The following PCDHGA7 variants were observed in gnomAD, a reference collection of about 807,000 sequenced individuals.
PCDHGA7 encodes protocadherin gamma-A7.
A neutral mutation model predicts 58.3 loss-of-function variants in PCDHGA7; 44 were observed. That is an observed-to-expected ratio of 0.75 (90% CI 0.59 to 0.97). The LOEUF is 0.97. PCDHGA7 is among the 50% of genes least tolerant of loss of function. PCDHGA7 has a pLI of 0.00. For missense variants in PCDHGA7, 1,266 were observed against 1,188.7 expected, an observed-to-expected ratio of 1.06 and a Z score of -0.96; for synonymous variants, 516 against 504.2, an observed-to-expected ratio of 1.02 and a Z score of -0.31.
intron 1 of PCDHGA7, among the ~76,000 whole-genome samples, chr5:141,472,147 G>T (rs2099272889): frequency 6.6e-6 from 1 of 152,112 alleles, no homozygotes; most frequent in South Asian, 2.1e-4. Flanking sequence ...AAAGTTTCAT[G>T]GTTACATAGC....
intron 1 of PCDHGA7, among the ~76,000 whole-genome samples, chr5:141,475,750 T>C (rs1158317865): frequency 6.6e-6 from 1 of 152,270 alleles, no homozygotes; most frequent in African/African-American, 2.4e-5. Context: ...AGGTTTCCTA[T>C]GCACCGATAC....
Position 141,485,625 on chromosome 5 carries a change from G to T in PCDHGA7, c.2425-9182G>T. 6.2e-7 allele frequency: 1 copy of T among 1,611,968 alleles called. No individual in the cohort carries two copies. On this transcript the variant is annotated intron_variant, in intron 1 of 3. Transcript: ENST00000518325. This position sits in a 1 kb window ranked among gnomAD's most constrained non-coding sequence, Gnocchi z 5.7. ...GGGGAGGCAGCTCCTCCAGGACAGC[G>T]TTTCCCGTTGGAAAAGGCTCAGGAT...
intron 1 of PCDHGA7, chr5:141,417,931 G>T (rs551432799): frequency 6.8e-6 from 11 of 1,611,382 alleles, no homozygotes; most frequent in Middle Eastern, 1.6e-4. Flanking sequence ...TGCTGCCTTT[G>T]TTCTACCCCA....
chr5:141,485,737 C>T lies in PCDHGA7; in HGVS notation c.2425-9070C>T. On this transcript the variant is annotated intron_variant, in intron 1 of 3. Coordinates refer to ENST00000518325, the MANE Select transcript of PCDHGA7 (RefSeq NM_018920.4). The surrounding 1 kb of genome is among the most constrained non-coding windows in gnomAD (Gnocchi z 5.7). ...TGGATGTGAAGAAGCGCAGCGACGGCAGCCTGGTCCCAGAGCTGCTCCTGG... is the reference window on the plus strand; with the variant it reads ...TGGATGTGAAGAAGCGCAGCGACGGTAGCCTGGTCCCAGAGCTGCTCCTGG... 6.2e-7 allele frequency: 1 copy of T among 1,614,222 alleles called. No individual in the cohort carries two copies. Among genetic ancestry groups the T allele is most frequent in the Non-Finnish European group, 8.5e-7 (1 of 1,180,036 alleles).
intron 1 of PCDHGA7, among the ~76,000 whole-genome samples, chr5:141,494,338 ACAG>A (rs2099753688): frequency 6.6e-6 from 1 of 152,224 alleles, no homozygotes; most frequent in African/African-American, 2.4e-5. Flanking sequence ...GTTACCAAGA[ACAG>A]CAGCCATCTT....
chr5:141,477,193 C>G lies in PCDHGA7; in HGVS notation c.2425-17614C>G. The G allele has an allele frequency of 6.2e-7, 1 of 1,614,176 alleles. No homozygotes were observed. Among genetic ancestry groups the G allele is most frequent in the Non-Finnish European group, 8.5e-7 (1 of 1,180,036 alleles). On this transcript the variant is annotated intron_variant, in intron 1 of 3. Transcript: ENST00000518325. This position sits in a 1 kb window ranked among gnomAD's most constrained non-coding sequence, Gnocchi z 4.9. ...AGATCACAGTCACCTCCGTGTACAG[C>G]CCAGTACCCGAGGATGCCCCTCTGG...
At chr5:141,394,648 G>T (rs1294007915) in intron 1 of PCDHGA7, 1 of 1,613,404 alleles carries the variant, frequency 6.2e-7, no homozygotes, top group East Asian at 2.2e-5. Flanking sequence ...CTCAAGGCCA[G>T]CGAGCCGGGA....
At chr5:141,454,796 A>ATTTTTTTTTTTTTTTTTTTTTTTT (rs61612330) in intron 1 of PCDHGA7, among the ~76,000 whole-genome samples, 4 of 77,456 alleles carry the variant, frequency 5.2e-5, no homozygotes, top group Non-Finnish European at 9.3e-5. Flanking sequence ...CATGGTTCTA[A>ATTTTTTTTTTTTTTTTTTTTTTTT]TTTTTTTTTT....
chr5:141,432,537 C>T lies in PCDHGA7; in HGVS notation c.2424+47214C>T, dbSNP rs367578838. Reference sequence around the variant, plus strand: ...GGCTACCTGGTGACCAAGGTGGTGGCGGTGGACAGAGACTCCGGCCAGAAC... The same window carrying T: ...GGCTACCTGGTGACCAAGGTGGTGGTGGTGGACAGAGACTCCGGCCAGAAC... On this transcript the variant is annotated intron_variant, in intron 1 of 3. Transcript: ENST00000518325. This position sits in a 1 kb window ranked among gnomAD's most constrained non-coding sequence, Gnocchi z 6.0. The T allele has an allele frequency of 5.6e-6, 9 of 1,613,882 alleles. No homozygotes were observed. The African/African-American group carries it at 6.7e-5, about 12-fold the overall frequency.
At chr5:141,389,034 T>C (rs369402592) in intron 1 of PCDHGA7, 34 of 1,613,840 alleles carry the variant, frequency 2.1e-5, no homozygotes, top group East Asian at 4.5e-5. Flanking sequence ...GACTTGTAAA[T>C]TGGAAGGTGA....
At position 141,505,495 on chromosome 5, in the gene PCDHGA7, G is replaced by A. The variant is rs767547572; in HGVS notation, c.2572+14G>A. On this transcript the variant is annotated intron_variant, in intron 3 of 3. Transcript: ENST00000518325. ...CGTCCGCCAGTGGTAAGTGGTGTCA[G>A]TGTGTGTATGGAAGAGTGGGAGACC... The A allele has an allele frequency of 7.9e-5, 128 of 1,614,092 alleles. No homozygotes were observed. Among genetic ancestry groups the A allele is most frequent in the Non-Finnish European group, 1.0e-4 (123 of 1,180,008 alleles).
chr5:141,399,998 C>T (rs753846360), intron 1 of PCDHGA7: 37 of 1,612,212 alleles, frequency 2.3e-5, no homozygotes, highest in Non-Finnish European at 2.7e-5. Context: ...GAGGTGCGCA[C>T]AGCGCGTGCC....
Position 141,485,094 on chromosome 5 carries a change from C to A in PCDHGA7, c.2425-9713C>A. ...GGCGCGGGGAAAGGGAGATAGGTGT[C>A]TCCAGCTGCTGTGGCTGTTTGGGGC... On this transcript the variant is annotated intron_variant, in intron 1 of 3. Coordinates refer to ENST00000518325, the MANE Select transcript of PCDHGA7 (RefSeq NM_018920.4). The surrounding 1 kb of genome is among the most constrained non-coding windows in gnomAD (Gnocchi z 5.7). 9.1e-7 allele frequency: 1 copy of A among 1,100,766 alleles called. No individual in the cohort carries two copies. Among genetic ancestry groups the A allele is most frequent in the Non-Finnish European group, 1.4e-6 (1 of 736,922 alleles). The allele number at this position is 1,100,766 out of a possible 1,614,324, so 68.2% of individuals were successfully genotyped here. A position where few individuals can be genotyped will look rare whatever the true frequency, so the allele number is the denominator to read the frequency against.
intron 1 of PCDHGA7, chr5:141,415,230 A>G (rs1222982593): frequency 6.2e-7 from 1 of 1,614,050 alleles, no homozygotes; most frequent in Non-Finnish European, 8.5e-7. Context: ...TCGAGTCTCC[A>G]GCTAACTCTG....
intron 1 of PCDHGA7, chr5:141,400,163 ACC>A (rs2093974471): frequency 6.2e-7 from 1 of 1,613,712 alleles, no homozygotes. Context: ...GTACCCTCTG[ACC>A]CCCAGGCTGA....
At chr5:141,397,614 A>ACTAGAACT (rs2150713337) in intron 1 of PCDHGA7, among the ~76,000 whole-genome samples, 1 of 152,358 alleles carries the variant, frequency 6.6e-6, no homozygotes, top group African/African-American at 2.4e-5. Context: ...CAAGGGCAAT[A>ACTAGAACT]CTTAGTTCTA....
At chr5:141,468,924 C>G (rs1434433938) in intron 1 of PCDHGA7, among the ~76,000 whole-genome samples, 1 of 150,520 alleles carries the variant, frequency 6.6e-6, no homozygotes, top group Non-Finnish European at 1.5e-5. Context: ...GAGAATAGCA[C>G]TAAAATGGGA....
chr5:141,408,782 T>G (rs1561715407), intron 1 of PCDHGA7: 1 of 1,612,108 alleles, frequency 6.2e-7, no homozygotes, highest in East Asian at 2.2e-5. Flanking sequence ...ATACCCAGAG[T>G]TATCTCTGGA....
rs776047060 is a variant in PCDHGA7, at chr5:141,393,622, A to T, written c.2424+8299A>T. The T allele has an allele frequency of 1.9e-6, 3 of 1,613,960 alleles. No individual in the cohort carries two copies. The Admixed American group carries it at 5.0e-5, about 27-fold the overall frequency. ...CTTACTGTAACAGCCAGCGACCCGG[A>T]TGAGGGAATCAACGGAAAAGTGGCA... On this transcript the variant is annotated intron_variant, in intron 1 of 3. Coordinates refer to ENST00000518325, the MANE Select transcript of PCDHGA7 (RefSeq NM_018920.4).
Sources: gnomAD v4.1 joint callset for allele counts (sites outside exome capture counted in the v4.1 genomes callset) on GRCh38, gnomAD v4.1.1 for gene constraint, Gnocchi (gnomAD v3.1) non-coding constraint, MANE v1.5 for transcripts, NCBI Gene and HGNC (gene_info 2026-07-23, HGNC 2026-07-21) for gene names.